FBXO24: variants seen among roughly 807,000 people sequenced by gnomAD.
FBXO24 encodes F-box only protein 24.
FBXO24 carries 30 observed loss-of-function variants against 63.5 expected under a neutral mutation model. The observed-to-expected ratio is 0.47, with a 90% CI of 0.35 to 0.64. FBXO24 has a LOEUF of 0.64. Among genes scored for constraint, FBXO24 ranks in the 30% least tolerant of loss-of-function variants. The probability of loss-of-function intolerance (pLI) is 0.00; values close to 1 mark genes in which losing one functional copy is unlikely to be tolerated. For missense variants in FBXO24, 624 were observed against 763.4 expected (o/e 0.82, Z 2.15); for synonymous variants, 300 against 305.0 (o/e 0.98, Z 0.17).
chr7:100,594,495 C>T lies in FBXO24; in HGVS notation c.906C>T (p.Arg302=), dbSNP rs142080768. Residue 302 remains arginine (R), a synonymous_variant, in exon 6 of 10, where the codon CGC becomes CGT. Transcript: ENST00000241071. This position sits in a 1 kb window ranked among gnomAD's most constrained non-coding sequence, Gnocchi z 4.2. The part of the protein sequence containing the change: ...RKVSHYLPHL[R]VACMTSNQSS... ...TGTCCCACTACCTGCCTCACCTGCGCGTGGCCTGCATGACTTCCAACCAGA... is the reference window on the plus strand; with the variant it reads ...TGTCCCACTACCTGCCTCACCTGCGTGTGGCCTGCATGACTTCCAACCAGA... The T allele has an allele frequency of 2.3e-5, 37 of 1,612,980 alleles. 1 individual carries two copies. In the East Asian group the frequency reaches 3.8e-4, roughly 17 times the overall value.
chr7:100,589,329 T>C, intron 1 of FBXO24: 2 of 1,001,838 alleles, frequency 2.0e-6, no homozygotes, highest in South Asian at 9.6e-5. Flanking sequence ...CTAGTGTTTC[T>C]CTACAGAGTT....
At position 100,590,381 on chromosome 7, in the gene FBXO24, G is replaced by T. The variant is rs754008123; in HGVS notation, c.322+24G>T. 3 of 1,586,720 alleles carry T rather than the reference G, an allele frequency of 1.9e-6. No individual in the cohort carries two copies. In the African/African-American group the frequency reaches 4.0e-5, roughly 21 times the overall value. ...CTGTACACCTTCCCCAGAACCTCCCGTTCTCCTTGCCTCTGTCCCGCCTTA... is the reference window on the plus strand; with the variant it reads ...CTGTACACCTTCCCCAGAACCTCCCTTTCTCCTTGCCTCTGTCCCGCCTTA... On this transcript the variant is annotated intron_variant, in intron 3 of 9. Transcript: ENST00000241071.
At position 100,588,183 on chromosome 7, in the gene FBXO24, G is replaced by A. The variant is rs563730882; in HGVS notation, c.39+1519G>A. ...CGTGAGCCACAAAGCCTGGCCCACA[G>A]TGGACTTTTTCTATTCACAACCTCT... On this transcript the variant is annotated intron_variant, in intron 1 of 9. Coordinates refer to ENST00000241071, the MANE Select transcript of FBXO24 (RefSeq NM_033506.3). Among the ~76,000 whole-genome samples the A allele has an allele frequency of 5.3e-4, 80 of 152,334 alleles. 1 individual carries two copies. The highest frequency in any genetic ancestry group is 9.6e-4 in the Non-Finnish European group (65 of 68,028).
chr7:100,586,862 G>GA, intron 1 of FBXO24, 198 bp downstream of exon 1: 1 of 435,822 alleles, frequency 2.3e-6, no homozygotes, highest in Non-Finnish European at 4.6e-6. Flanking sequence ...GCAGCGGGGG[G>GA]ACCTCCGACT....
intron 8 of FBXO24, among the ~76,000 whole-genome samples, chr7:100,596,233 C>T (rs553223640): frequency 2.6e-5 from 4 of 152,142 alleles, no homozygotes; most frequent in South Asian, 2.1e-4. Flanking sequence ...GAGCTGAGAT[C>T]GTGCCACCCT....
chr7:100,598,950 G>C (rs1584434361), intron 8 of FBXO24, among the ~76,000 whole-genome samples: 2 of 151,436 alleles, frequency 1.3e-5, no homozygotes, highest in African/African-American at 4.9e-5. Context: ...CTGCACTTCA[G>C]CTTGGGCAAC....
intron 5 of FBXO24, among the ~76,000 whole-genome samples, chr7:100,593,359 C>T (rs906980403): frequency 1.1e-4 from 17 of 151,876 alleles, no homozygotes; most frequent in Non-Finnish European, 2.1e-4. Flanking sequence ...AGGTCGGGTG[C>T]GGCGGCTCAC....
rs1451216068 is a variant in FBXO24 at position 100,590,230 on chromosome 7, C to G, written c.195C>G (p.Thr65=). 6.2e-7 allele frequency: 1 copy of G among 1,614,166 alleles called. No individual in the cohort carries two copies. Among genetic ancestry groups the G allele is most frequent in the Non-Finnish European group, 8.5e-7 (1 of 1,180,012 alleles). Reference sequence around the variant, plus strand: ...GAGACCTTGTTGCCCTCGGCCAGACCTGCCGCTACTTCCACGAAGTGTGCG... The same window carrying G: ...GAGACCTTGTTGCCCTCGGCCAGACGTGCCGCTACTTCCACGAAGTGTGCG... The part of the protein sequence containing the change: ...PVRDLVALGQ[T]CRYFHEVCDG... Residue 65 remains threonine (T), a synonymous_variant, in exon 3 of 10, where the codon ACC becomes ACG. Coordinates refer to ENST00000241071, the MANE Select transcript of FBXO24 (RefSeq NM_033506.3).
Position 100,592,027 on chromosome 7 carries a change from G to A in FBXO24, c.558+125G>A, listed in dbSNP as rs1802056766. ...TGTAATCCTAGCACTTTGGGAGGCT[G>A]AGGCAGGCGGATCAGCTGAGACCAG... On this transcript the variant is annotated intron_variant, in intron 4 of 9. Transcript: ENST00000241071. 4.4e-6 allele frequency: 4 copies of A among 906,048 alleles called. No individual in the cohort carries two copies. The Admixed American group carries it at 9.0e-5, about 20-fold the overall frequency. 56.1% of individuals were successfully genotyped at this position (906,048 alleles called of 1,614,324 possible).
chr7:100,597,565 T>C (rs1802372172), intron 8 of FBXO24, among the ~76,000 whole-genome samples: 2 of 152,084 alleles, frequency 1.3e-5, no homozygotes, highest in African/African-American at 4.8e-5. Flanking sequence ...GGCTAATTTT[T>C]GTATTTTTAG....
chr7:100,591,608 A>C (rs1802030039), intron 3 of FBXO24, 59 bp from the exon 4 acceptor site: 2 of 1,530,210 alleles, frequency 1.3e-6, no homozygotes, highest in Admixed American at 3.4e-5. Context: ...CCCAAGCTCC[A>C]ACTCATCTCC....
Position 100,586,466 on chromosome 7 carries a change from C to A in FBXO24, c.-160C>A. On this transcript the variant is annotated 5_prime_UTR_variant, in exon 1 of 10. Coordinates refer to ENST00000241071, the MANE Select transcript of FBXO24 (RefSeq NM_033506.3). ...CACCGGCACTCCACTAGCAGGAAAA[C>A]GGGCCGAGGGACCGCAAGCAGGGGG... is the stretch of plus-strand genomic sequence containing the variant. 1.3e-6 allele frequency: 1 copy of A among 748,886 alleles called. No homozygotes were observed. Among genetic ancestry groups the A allele is most frequent in the Non-Finnish European group, 2.3e-6 (1 of 440,842 alleles). The allele number at this position is 748,886 out of a possible 1,614,324, so 46.4% of individuals were successfully genotyped here.
chr7:100,597,316 A>G (rs937677015), intron 8 of FBXO24, among the ~76,000 whole-genome samples: 3 of 152,230 alleles, frequency 2.0e-5, no homozygotes, highest in Non-Finnish European at 2.9e-5. Flanking sequence ...TACTACTGAC[A>G]TGGAAAAGAT....
In FBXO24 at chr7:100,600,293, C is replaced by G. The variant is rs1183862837; in HGVS notation, c.1377+92C>G. 2 of 1,419,372 alleles carry G rather than the reference C, an allele frequency of 1.4e-6. No homozygotes were observed. The highest frequency in any genetic ancestry group is 2.9e-5 in the African/African-American group (2 of 68,978). The allele number at this position is 1,419,372 out of a possible 1,614,324, so 87.9% of individuals were successfully genotyped here. On this transcript the variant is annotated intron_variant, in intron 9 of 9. Coordinates refer to ENST00000241071, the MANE Select transcript of FBXO24 (RefSeq NM_033506.3). This position sits in a 1 kb window ranked among gnomAD's most constrained non-coding sequence, Gnocchi z 6.3. ...GCTGTAGCTGGGGCTCCTGCAGGGACCCAGGGGGTCCCATTTCCCTAGCAC... is the reference window on the plus strand; with the variant it reads ...GCTGTAGCTGGGGCTCCTGCAGGGAGCCAGGGGGTCCCATTTCCCTAGCAC...
chr7:100,591,735 T>A lies in FBXO24; in HGVS notation c.391T>A (p.Leu131Met). ...ATGTCTCAGCAAGAGCGTGGCCCCC[T>A]TGCTAGCCCACGGCTACCGCCGCTT... The part of the protein sequence containing the change: ...RRCLSKSVAP[L>M]LAHGYRRFLP... Residue 131 changes from leucine (L) to methionine (M), a missense_variant, in exon 4 of 10, where the codon TTG (leucine) becomes ATG (methionine). Coordinates refer to ENST00000241071, the MANE Select transcript of FBXO24 (RefSeq NM_033506.3). 1 of 1,614,258 alleles carries A rather than the reference T, an allele frequency of 6.2e-7. No homozygotes were observed. The highest frequency in any genetic ancestry group is 8.5e-7 in the Non-Finnish European group (1 of 1,180,040).
At position 100,600,201 on chromosome 7, in the gene FBXO24, G is replaced by A. The variant is rs1227710619; in HGVS notation, c.1377G>A (p.Lys459=). ...CCTCCTTCGTCAAGCTCCAAGTCAAGGTCAGAGCGGGGTCAGGAGAGTGGG... is the reference window on the plus strand; with the variant it reads ...CCTCCTTCGTCAAGCTCCAAGTCAAAGTCAGAGCGGGGTCAGGAGAGTGGG... ...GSASFVKLQV[K]VPLCACALCA... The change falls in exon 9 of 10, where the codon AAG becomes AAA. Residue 459 remains lysine (K), a splice_region_variant and synonymous_variant. Transcript: ENST00000241071. The surrounding 1 kb of genome is among the most constrained non-coding windows in gnomAD (Gnocchi z 6.3). 2.6e-6 allele frequency: 4 copies of A among 1,549,964 alleles called. No individual in the cohort carries two copies. The highest frequency in any genetic ancestry group is 3.5e-6 in the Non-Finnish European group (4 of 1,145,804).
intron 8 of FBXO24, among the ~76,000 whole-genome samples, chr7:100,596,010 C>G (rs938694280): frequency 6.6e-6 from 1 of 151,842 alleles, no homozygotes; most frequent in East Asian, 1.9e-4. Context: ...AGGTGCAGAG[C>G]CTCACGCCTG....
rs754405466 is a variant in FBXO24 at position 100,592,860 on chromosome 7, G to T, written c.636G>T (p.Val212=). 4 of 1,614,170 alleles carry T rather than the reference G, an allele frequency of 2.5e-6. No individual in the cohort carries two copies. The highest frequency in any genetic ancestry group is 2.5e-6 in the Non-Finnish European group (3 of 1,180,048). Residue 212 remains valine (V), a synonymous_variant, in exon 5 of 10, where the codon GTG becomes GTT. Coordinates refer to ENST00000241071, the MANE Select transcript of FBXO24 (RefSeq NM_033506.3). ...TGGCCACTCGGGAGCCGCAGGAAGT[G>T]GTGGGTACCACCAGCAGCCGGGCCT... ...YVLATREPQE[V]VGTTSSRACD...
rs73407342 is a variant in FBXO24 at position 100,592,384 on chromosome 7, G to A, written c.559-399G>A. Reference sequence around the variant, plus strand: ...ATCATGGCAGAAGGGAAAGAGGCACGTCTTACATGGCAGCAGGCGAGAGCA... The same window carrying A: ...ATCATGGCAGAAGGGAAAGAGGCACATCTTACATGGCAGCAGGCGAGAGCA... On this transcript the variant is annotated intron_variant, in intron 4 of 9. Transcript: ENST00000241071. 5.8e-3 allele frequency: 1,491 copies of A among 254,956 alleles called. 26 individuals are homozygous for A. Among genetic ancestry groups the A allele is most frequent in the African/African-American group, 0.031 (1,366 of 44,652 alleles). The allele number at this position is 254,956 out of a possible 1,614,324, so 15.8% of individuals were successfully genotyped here.
Sources: allele counts gnomAD v4.1 joint callset (sites outside exome capture counted in the v4.1 genomes callset), GRCh38; gene constraint gnomAD v4.1.1; non-coding constraint Gnocchi (gnomAD v3.1); transcripts MANE v1.5; gene names NCBI Gene and HGNC (gene_info 2026-07-23, HGNC 2026-07-21).